FLII: variants seen among roughly 807,000 people sequenced by gnomAD.
The protein encoded by FLII is protein flightless-1 homolog.
FLII carries 101 observed loss-of-function variants against 156.2 expected under a neutral mutation model. The ratio of observed to expected loss-of-function variants is 0.65; its 90% CI spans 0.55 to 0.76. FLII has a LOEUF of 0.76. Among genes scored for constraint, FLII ranks in the 30% least tolerant of loss-of-function variants. The pLI, the probability that FLII is intolerant of heterozygous loss-of-function variation, is 0.00. For synonymous variants in FLII, 767 were observed against 685.8 expected (o/e 1.12, Z -1.85); for missense variants, 1,675 against 1,682.8 (o/e 1.00, Z 0.08).
chr17:18,244,973 G>GCAC lies in FLII; in HGVS notation c.*162_*164dup. 1 of 745,076 alleles carries GCAC rather than the reference G, an allele frequency of 1.3e-6. No homozygotes were observed. Among genetic ancestry groups the GCAC allele is most frequent in the East Asian group, 2.5e-5 (1 of 40,200 alleles). The allele number at this position is 745,076 out of a possible 1,614,324, so 46.2% of individuals were successfully genotyped here. Reference sequence around the variant, plus strand: ...AGTTGGATTTCCCAGACCCCTGAGGGCACCTGTCAGGGTCATCCCCATTGG... The same window carrying GCAC: ...AGTTGGATTTCCCAGACCCCTGAGGGCACCACCTGTCAGGGTCATCCCCATTGG... On this transcript the variant is annotated 3_prime_UTR_variant, in exon 30 of 30. Transcript: ENST00000327031.
At position 18,254,713 on chromosome 17, in the gene FLII, C is replaced by A. The variant is rs778998575; in HGVS notation, c.414-31G>T. 5 of 1,613,772 alleles carry A rather than the reference C, an allele frequency of 3.1e-6. No homozygotes were observed. In the Admixed American group the frequency reaches 6.7e-5, roughly 22 times the overall value. The stretch of plus-strand genomic sequence containing the variant: ...GGTGGGGAGCAGGAGCCACCTGAGT[C>A]AGCACCAGCCACCCCACAGGGCCCA... On this transcript the variant is annotated intron_variant, in intron 5 of 29. Transcript: ENST00000327031.
At chr17:18,250,703 C>T (rs760286215) in intron 14 of FLII, 135 bp downstream of exon 14, 70 of 929,684 alleles carry the variant, frequency 7.5e-5, no homozygotes, top group Non-Finnish European at 8.3e-5. Context: ...CGCACAGTAT[C>T]GTTGATCCAC....
chr17:18,253,276 T>G (rs750061706), intron 9 of FLII, 25 bp downstream of exon 9: 5 of 1,613,180 alleles, frequency 3.1e-6, no homozygotes, highest in Non-Finnish European at 3.4e-6. Flanking sequence ...CAAGTGCCTC[T>G]GCTAGCCCCA....
rs201700554 is a variant in FLII at position 18,254,592 on chromosome 17, C to T, written c.504G>A (p.Pro168=). ...LSENRLESLP[P]QMRRLVHLQT... ...GCAGGTGCACCAGGCGGCGCATCTG[C>T]GGGGGCAGGCTCTCCAGGCGGTTCT... Residue 168 remains proline, a synonymous_variant, in exon 6 of 30, where the codon CCG becomes CCA. Coordinates refer to ENST00000327031, the MANE Select transcript of FLII (RefSeq NM_002018.4). 1.0e-4 allele frequency: 164 copies of T among 1,613,636 alleles called. No homozygotes were observed. Among genetic ancestry groups the T allele is most frequent in the Non-Finnish European group, 1.3e-4 (150 of 1,179,946 alleles).
At chr17:18,251,506 G>GTCTTT in intron 12 of FLII, 29 bp from the exon 13 acceptor site, 1 of 1,581,732 alleles carries the variant, frequency 6.3e-7, no homozygotes, top group Non-Finnish European at 8.6e-7. Flanking sequence ...AGCACGGCTT[G>GTCTTT]ACTCTGTGAA....
In FLII at chr17:18,249,330, T is replaced by G. The variant is rs1379795656; in HGVS notation, c.1855A>C (p.Thr619Pro). The change falls in exon 15 of 30, where the codon ACC (threonine) becomes CCC (proline). Residue 619 changes from threonine to proline, a missense_variant. Thr to Pro is a conservative substitution (Grantham distance 38). Around this residue, in one of 2 missense-constraint regions of FLII, gnomAD observed 1,332 missense variants for 1,269.3 expected, o/e 1.05. Transcript: ENST00000327031. ...FYTVEDTHYV[T>P]RMYRVYGKKN... ...CCACTGCCCACACACCCTCACCTGG[T>G]GACATAGTGTGTGTCTTCCACAGTG... 1 of 1,613,728 alleles carries G rather than the reference T, an allele frequency of 6.2e-7. No homozygotes were observed.
At chr17:18,254,993 G>T (rs1042056502) in intron 4 of FLII, 139 bp from the exon 5 acceptor site, 139 of 963,654 alleles carry the variant, frequency 1.4e-4, no homozygotes, top group Non-Finnish European at 5.9e-5. Context: ...GACAGCCAGG[G>T]ACTTGGGAGG....
Position 18,246,779 on chromosome 17 carries a change from CCTT to C in FLII, c.2863_2865del (p.Lys955del), listed in dbSNP as rs755944555. 6.4e-5 allele frequency: 103 copies of C among 1,613,466 alleles called. No individual in the cohort carries two copies. In the African/African-American group the frequency reaches 7.5e-4, roughly 12 times the overall value. The stretch of plus-strand genomic sequence containing the variant: ...CCTTCTTTGCCCTCGGCCTTCTCCT[CCTT>C]GTCTTCCTTCTTTTCCTCCTCCTCG... On this transcript the variant is annotated inframe_deletion, in exon 23 of 30. Coordinates refer to ENST00000327031, the MANE Select transcript of FLII (RefSeq NM_002018.4).
At position 18,245,349 on chromosome 17, in the gene FLII, A is replaced by G. The variant is rs566174133; in HGVS notation, c.3675+5T>C. 6 of 1,614,082 alleles carry G rather than the reference A, an allele frequency of 3.7e-6. No individual in the cohort carries two copies. In the East Asian group the frequency reaches 1.1e-4, roughly 30 times the overall value. On this transcript the variant is annotated splice_donor_5th_base_variant and intron_variant, in intron 29 of 29. Transcript: ENST00000327031. The stretch of plus-strand genomic sequence containing the variant: ...CCACCTCGGCCCTCCCTCCACCCAG[A>G]TTACCTGGCAGGCCTTCAGGCTCAG...
At position 18,251,393 on chromosome 17, in the gene FLII, A is replaced by T; in HGVS notation, c.1468T>A (p.Phe490Ile). Reference protein sequence around the residue: ...LEKPRLDYSEFFTEDVGQLPG... With the variant: ...LEKPRLDYSEIFTEDVGQLPG... ...AGCTGGCCCACGTCCTCCGTGAAGA[A>T]CTCGGAGTAGTCAAGGCGGGGCTTC... The change falls in exon 13 of 30, where the codon TTC becomes ATC. Residue 490 changes from phenylalanine to isoleucine, a missense_variant. Transcript: ENST00000327031. 6.2e-7 allele frequency: 1 copy of T among 1,613,334 alleles called. No homozygotes were observed. Among genetic ancestry groups the T allele is most frequent in the Admixed American group, 1.7e-5 (1 of 60,002 alleles).
chr17:18,247,394 G>T, intron 20 of FLII, 37 bp from the exon 21 acceptor site: 2 of 1,553,558 alleles, frequency 1.3e-6, no homozygotes, highest in Non-Finnish European at 1.8e-6. Flanking sequence ...TGAGGGGTGC[G>T]GCATGATTAG....
chr17:18,254,923 A>T, intron 4 of FLII, 69 bp from the exon 5 acceptor site: 10 of 1,506,454 alleles, frequency 6.6e-6, no homozygotes, highest in Non-Finnish European at 9.2e-6. Flanking sequence ...AAGCTTGGGG[A>T]TCAGGCAGGG....
chr17:18,247,535 G>T, intron 20 of FLII, 122 bp downstream of exon 20: 3 of 1,093,040 alleles, frequency 2.7e-6, no homozygotes, highest in Non-Finnish European at 3.8e-6. Flanking sequence ...GGCCTGGGCA[G>T]AGTCAGCAAA....
In FLII at chr17:18,249,352, A is replaced by AGT. The variant is rs1353570923; in HGVS notation, c.1831_1832dup (p.Val612LeufsTer44). On this transcript the variant is annotated frameshift_variant, in exon 15 of 30. Transcript: ENST00000327031. LOFTEE classifies it high-confidence loss of function. ...TGGTGACATAGTGTGTGTCTTCCAC[A>AGT]GTGTAGAAGCCACTGGCTGTTCCAC... 1.9e-6 allele frequency: 3 copies of AGT among 1,613,920 alleles called. No individual in the cohort carries two copies. Among genetic ancestry groups the AGT allele is most frequent in the Non-Finnish European group, 2.5e-6 (3 of 1,179,984 alleles).
chr17:18,247,436 G>C (rs949934942), intron 20 of FLII, 79 bp from the exon 21 acceptor site: 4 of 1,369,124 alleles, frequency 2.9e-6, no homozygotes, highest in Non-Finnish European at 4.0e-6. Flanking sequence ...GCTTGAGGCG[G>C]GACCCAAGGG....
At chr17:18,248,154 C>A in intron 18 of FLII, 121 bp from the exon 19 acceptor site, 1 of 657,976 alleles carries the variant, frequency 1.5e-6, no homozygotes. Context: ...TTCTGTTTCC[C>A]CCTCCCCTTC....
chr17:18,246,823 C>T lies in FLII; in HGVS notation c.2822G>A (p.Trp941Ter). ...CTCCTCCTCGTACTCCACAGGCACC[C>T]AGTACCTGCCGGGTTGGAAGGTTGT... Reference protein sequence around the residue: ...QDCYVFLCRYWVPVEYEEEEK... With the variant: ...QDCYVFLCRY Residue 941 changes from tryptophan to a stop codon, truncating the protein, a stop_gained, in exon 23 of 30, where the codon TGG becomes TAG. Coordinates refer to ENST00000327031, the MANE Select transcript of FLII (RefSeq NM_002018.4). LOFTEE classifies it high-confidence loss of function. The T allele has an allele frequency of 6.2e-7, 1 of 1,614,104 alleles. No individual in the cohort carries two copies. Among genetic ancestry groups the T allele is most frequent in the Non-Finnish European group, 8.5e-7 (1 of 1,179,984 alleles).
At position 18,246,677 on chromosome 17, in the gene FLII, G is replaced by A. The variant is rs1349246426; in HGVS notation, c.2968C>T (p.Arg990Cys). 3.7e-6 allele frequency: 6 copies of A among 1,613,620 alleles called. No homozygotes were observed. The highest frequency in any genetic ancestry group is 1.3e-5 in the African/African-American group (1 of 74,904). Residue 990 changes from arginine to cysteine, a missense_variant, in exon 23 of 30, where the codon CGT becomes TGT. By Grantham distance (180) the Arg-to-Cys change is radical. Transcript: ENST00000327031. Reference sequence around the variant, plus strand: ...AGCCAGCCCATATTGGAGGCTTCACGGCCCTGCCAGAAGTACACGATGCAC... The same window carrying A: ...AGCCAGCCCATATTGGAGGCTTCACAGCCCTGCCAGAAGTACACGATGCAC... ...FQCIVYFWQG[R>C]EASNMGWLTF...
rs1182987307 is a variant in FLII at position 18,249,366 on chromosome 17, TG to T, written c.1818del (p.Ser607ValfsTer48). 4 of 1,614,138 alleles carry T rather than the reference TG, an allele frequency of 2.5e-6. No homozygotes were observed. The highest frequency in any genetic ancestry group is 3.4e-6 in the Non-Finnish European group (4 of 1,180,016). ...NDISYIEGGT[A>X]SGFYTVEDTH... ...GTGTCTTCCACAGTGTAGAAGCCACTGGCTGTTCCACCCTCAATGTAGGAGA... is the reference window on the plus strand; with the variant it reads ...GTGTCTTCCACAGTGTAGAAGCCACTGCTGTTCCACCCTCAATGTAGGAGA... On this transcript the variant is annotated frameshift_variant, in exon 15 of 30. Transcript: ENST00000327031. LOFTEE classifies it high-confidence loss of function.
Sources: allele counts gnomAD v4.1 joint callset, GRCh38; gene constraint gnomAD v4.1.1; regional missense constraint gnomAD v4.1.1; transcripts MANE v1.5; gene names NCBI Gene and HGNC (gene_info 2026-07-23, HGNC 2026-07-21).